SYT1: variants seen among roughly 807,000 people sequenced by gnomAD.
The protein encoded by SYT1 is synaptotagmin 1.
In SYT1, 8 loss-of-function variants were observed where a neutral mutation model predicts 44.8. That is an observed-to-expected ratio of 0.18 (90% CI 0.10 to 0.32). The LOEUF (loss-of-function observed/expected upper bound fraction) is 0.32, where lower values mean the gene tolerates loss of function less well. Among genes scored for constraint, SYT1 ranks in the 10% least tolerant of loss-of-function variants. The pLI, the probability that SYT1 is intolerant of heterozygous loss-of-function variation, is 1.00. For synonymous variants in SYT1, 154 were observed against 188.8 expected (o/e 0.82, Z 1.51); for missense variants, 286 against 509.3 (o/e 0.56, Z 4.22).
At chr12:79,349,157 GGGAAGGAAGGAAAGAAGGGAC>G (rs1037094897) in intron 8 of SYT1, among the ~76,000 whole-genome samples, 1 of 150,444 alleles carries the variant, frequency 6.6e-6, no homozygotes, top group Non-Finnish European at 1.5e-5. Context: ...GGAAGAAAAG[GGGAAGGAAGGAAAGAAGGGAC>G]GGAGGGAAGG....
intron 2 of SYT1, among the ~76,000 whole-genome samples, chr12:79,028,486 A>G (rs1173778428): frequency 6.6e-6 from 1 of 151,336 alleles, no homozygotes; most frequent in Non-Finnish European, 1.5e-5. Flanking sequence ...CGTTACAGAG[A>G]CTGTAAACAC....
chr12:79,185,152 T>A (rs894290688), intron 3 of SYT1, among the ~76,000 whole-genome samples: 1 of 152,100 alleles, frequency 6.6e-6, no homozygotes, highest in African/African-American at 2.4e-5. Flanking sequence ...ATTTACAGAT[T>A]CTGTGAATTT....
At chr12:79,018,531 T>G (rs949235143) in intron 2 of SYT1, among the ~76,000 whole-genome samples, 2 of 152,036 alleles carry the variant, frequency 1.3e-5, no homozygotes, top group African/African-American at 4.8e-5. Flanking sequence ...GTCTTTCCTC[T>G]TATATAAAAC....
At position 78,890,684 on chromosome 12, in the gene SYT1, A is replaced by C. The variant is rs185273421; in HGVS notation, c.-217+25575A>C. On this transcript the variant is annotated intron_variant, in intron 1 of 10. Coordinates refer to ENST00000261205, the MANE Select transcript of SYT1 (RefSeq NM_005639.3). ...ATTGTAACCAGTCTTTCATTCTCCA[A>C]CTCCCTCATCTTTCCCAAAATGGAC... is the stretch of plus-strand genomic sequence containing the variant. Among the ~76,000 whole-genome samples, 46 of 151,056 alleles carry C rather than the reference A, an allele frequency of 3.0e-4. 1 individual carries two copies. The highest frequency in any genetic ancestry group is 1.1e-3 in the African/African-American group (46 of 41,182).
chr12:79,355,570 A>C (rs1261023688), intron 9 of SYT1, among the ~76,000 whole-genome samples: 1 of 152,006 alleles, frequency 6.6e-6, no homozygotes, highest in Admixed American at 6.6e-5. Flanking sequence ...AGCCATAATC[A>C]CTCTAATCAC....
chr12:79,046,251 A>C (rs958339645), intron 2 of SYT1: 2 of 152,208 alleles, frequency 1.3e-5, no homozygotes, highest in Admixed American at 1.3e-4. Flanking sequence ...TTTTATGCTG[A>C]GTTACCTATG....
At chr12:79,165,406 C>T (rs558100204) in intron 3 of SYT1, among the ~76,000 whole-genome samples, 23 of 151,902 alleles carry the variant, frequency 1.5e-4, no homozygotes, top group Non-Finnish European at 3.1e-4. Flanking sequence ...AGATTTAGAA[C>T]AGTGTTGCAA....
At chr12:79,196,462 G>A (rs971801755) in intron 3 of SYT1, among the ~76,000 whole-genome samples, 3 of 151,990 alleles carry the variant, frequency 2.0e-5, no homozygotes, top group Admixed American at 6.6e-5. Context: ...CATCGCACCC[G>A]GCTGTACATT....
intron 3 of SYT1, among the ~76,000 whole-genome samples, chr12:79,058,836 T>G (rs568252170): frequency 6.6e-4 from 100 of 152,162 alleles, no homozygotes; most frequent in African/African-American, 2.4e-3. Flanking sequence ...CTTGAAGTGA[T>G]ACATTTTCTT....
intron 2 of SYT1, among the ~76,000 whole-genome samples, chr12:79,019,599 C>T (rs956692012): frequency 6.6e-6 from 1 of 151,846 alleles, no homozygotes; most frequent in Non-Finnish European, 1.5e-5. Context: ...GATTCATCTG[C>T]CTGGTTGGTA....
rs530213725 is a variant in SYT1, at chr12:79,176,482, C to T, written c.-17-41021C>T. 9.2e-5 allele frequency among the ~76,000 whole-genome samples: 14 copies of T among 152,106 alleles called. 1 individual carries two copies. Among genetic ancestry groups the T allele is most frequent in the African/African-American group, 3.1e-4 (13 of 41,524 alleles). ...CAAGAGTTATGGTGTTTTATCTTCA[C>T]TCATGTAGCTAAATACTCCATGTTG... is the stretch of plus-strand genomic sequence containing the variant. On this transcript the variant is annotated intron_variant, in intron 3 of 10. Transcript: ENST00000261205.
intron 2 of SYT1, among the ~76,000 whole-genome samples, chr12:79,020,824 A>G (rs1872144721): frequency 6.6e-6 from 1 of 151,920 alleles, no homozygotes; most frequent in Admixed American, 6.6e-5. Context: ...TTCCTAGACC[A>G]TTGCTAAGCA....
At chr12:79,203,064 C>T (rs1873886203) in intron 3 of SYT1, among the ~76,000 whole-genome samples, 1 of 148,086 alleles carries the variant, frequency 6.8e-6, no homozygotes, top group Non-Finnish European at 1.5e-5. Flanking sequence ...GTTAGCTTCG[C>T]CTAGTAGATA....
chr12:79,285,259 C>T (rs1458635727), intron 4 of SYT1, among the ~76,000 whole-genome samples: 4 of 152,168 alleles, frequency 2.6e-5, no homozygotes, highest in Non-Finnish European at 4.4e-5. Context: ...AATACAACAC[C>T]TAGTATTTTA....
chr12:79,383,102 A>G (rs1245766), intron 9 of SYT1, among the ~76,000 whole-genome samples: 68,612 of 152,062 alleles, frequency 0.45, 18,605 homozygotes, highest in African/African-American at 0.77. Flanking sequence ...CGTGGGATAC[A>G]GGTATGTTTT....
chr12:79,427,685 T>C (rs1869530551), intron 9 of SYT1, among the ~76,000 whole-genome samples: 1 of 152,106 alleles, frequency 6.6e-6, no homozygotes, highest in Non-Finnish European at 1.5e-5. Flanking sequence ...CTGAGCTTAA[T>C]TGAAGAGGTA....
chr12:79,309,750 A>G (rs1203217335), intron 8 of SYT1, among the ~76,000 whole-genome samples: 1 of 152,238 alleles, frequency 6.6e-6, no homozygotes, highest in Non-Finnish European at 1.5e-5. Context: ...CTTTCTAACA[A>G]CTAGTTTTAA....
intron 9 of SYT1, among the ~76,000 whole-genome samples, chr12:79,429,338 C>G (rs573000940): frequency 6.6e-6 from 1 of 151,978 alleles, no homozygotes; most frequent in African/African-American, 2.4e-5. Flanking sequence ...TCCCACATAG[C>G]TGGAACTACA....
chr12:79,062,073 G>A (rs905270195), intron 3 of SYT1, among the ~76,000 whole-genome samples: 1 of 152,034 alleles, frequency 6.6e-6, no homozygotes, highest in African/African-American at 2.4e-5. Flanking sequence ...GTATGACTTT[G>A]CATTTTGATC....
Sources: gnomAD v4.1 joint callset for allele counts (sites outside exome capture counted in the v4.1 genomes callset) on GRCh38, gnomAD v4.1.1 for gene constraint, MANE v1.5 for transcripts, NCBI Gene and HGNC (gene_info 2026-07-23, HGNC 2026-07-21) for gene names.